The following TBC1D23 variants were observed in gnomAD, a reference collection of about 807,000 sequenced individuals.
TBC1D23 encodes HCV non-structural protein 4A-transactivated protein 1.
In TBC1D23, 55 loss-of-function variants were observed where a neutral mutation model predicts 91.4. That is an observed-to-expected ratio of 0.60 (90% CI 0.48 to 0.75). The LOEUF (loss-of-function observed/expected upper bound fraction) is 0.75. Among genes scored for constraint, TBC1D23 ranks in the 30% least tolerant of loss-of-function variants. The pLI is 0.00. For missense variants in TBC1D23, 725 were observed against 836.1 expected (o/e 0.87, Z 1.64); for synonymous variants, 289 against 281.0 (o/e 1.03, Z -0.28).
chr3:100,261,867 T>A lies in TBC1D23; in HGVS notation c.53+796T>A, dbSNP rs9876642. Among the ~76,000 whole-genome samples, 1,476 of 152,320 alleles carry A rather than the reference T, an allele frequency of 9.7e-3. 17 individuals are homozygous for A. The highest frequency in any genetic ancestry group is 0.034 in the African/African-American group (1,395 of 41,564). The stretch of plus-strand genomic sequence containing the variant: ...TGTTAGGTTGTACAACATCATTTTT[T>A]AAAAAGGGACCTTTAGAGGCTTGTC... On this transcript the variant is annotated intron_variant, in intron 1 of 18. Coordinates refer to ENST00000394144, the MANE Select transcript of TBC1D23 (RefSeq NM_001199198.3).
intron 16 of TBC1D23, 92 bp downstream of exon 16, chr3:100,316,279 A>T (rs531348472): frequency 2.7e-5 from 24 of 877,646 alleles, no homozygotes; most frequent in Admixed American, 2.0e-4. Context: ...CTGCTTTTTT[A>T]AAAAAATGAG....
chr3:100,300,488 A>G (rs1301720706), intron 10 of TBC1D23, among the ~76,000 whole-genome samples: 1 of 147,280 alleles, frequency 6.8e-6, no homozygotes, highest in Non-Finnish European at 1.5e-5. Flanking sequence ...ATTCATGAAT[A>G]CTTGAATTAA....
chr3:100,307,856 A>G (rs1354616266), intron 13 of TBC1D23, among the ~76,000 whole-genome samples: 1 of 152,142 alleles, frequency 6.6e-6, no homozygotes, highest in Non-Finnish European at 1.5e-5. Context: ...TTTTGTAGTG[A>G]TAAATTTGCA....
At chr3:100,314,244 G>A (rs1705688761) in intron 15 of TBC1D23, among the ~76,000 whole-genome samples, 1 of 151,684 alleles carries the variant, frequency 6.6e-6, no homozygotes, top group Admixed American at 6.6e-5. Context: ...GACTACAGGT[G>A]CGTGCCACCA....
intron 3 of TBC1D23, among the ~76,000 whole-genome samples, chr3:100,283,239 T>C (rs1001832462): frequency 1.3e-5 from 2 of 152,056 alleles, no homozygotes; most frequent in African/African-American, 4.8e-5. Context: ...TTGGGTGTGG[T>C]GGTGCTTGCC....
rs1705439515 is a variant in TBC1D23 at position 100,301,860 on chromosome 3, A to G, written c.1093-207A>G. On this transcript the variant is annotated intron_variant, in intron 10 of 18. Coordinates refer to ENST00000394144, the MANE Select transcript of TBC1D23 (RefSeq NM_001199198.3). ...TTTCTTTGCATCAATCTTTGTGTGAATGTTCAACTTTTGTTCTATTGTATT... is the reference window on the plus strand; with the variant it reads ...TTTCTTTGCATCAATCTTTGTGTGAGTGTTCAACTTTTGTTCTATTGTATT... The G allele has an allele frequency of 1.3e-5, 6 of 463,628 alleles. No individual in the cohort carries two copies. The South Asian group carries it at 2.2e-4, about 17-fold the overall frequency. 28.7% of individuals were successfully genotyped at this position (463,628 alleles called of 1,614,324 possible). A position where few individuals can be genotyped will look rare whatever the true frequency, so the allele number is the denominator to read the frequency against.
At chr3:100,261,306 A>C (rs1230554529) in intron 1 of TBC1D23, 5 of 574,966 alleles carry the variant, frequency 8.7e-6, no homozygotes, top group Admixed American at 6.3e-5. Flanking sequence ...GCTGGGCCTC[A>C]GAACGGTCCT....
At position 100,261,048 on chromosome 3, in the gene TBC1D23, G is replaced by A; in HGVS notation, c.30G>A (p.Leu10=). 1 of 1,613,964 alleles carries A rather than the reference G, an allele frequency of 6.2e-7. No homozygotes were observed. Residue 10 remains leucine (L), a synonymous_variant, in exon 1 of 19, where the codon CTG becomes CTA. Transcript: ENST00000394144. ...CGGAAGGAGAAGATGTGCCGCCGCT[G>A]CCAACGTCGAGCGGCGACGGCTGGT... is the stretch of plus-strand genomic sequence containing the variant. The part of the protein sequence containing the change: MAEGEDVPP[L]PTSSGDGWEK...
intron 18 of TBC1D23, among the ~76,000 whole-genome samples, chr3:100,321,223 T>C (rs1705853049): frequency 6.6e-6 from 1 of 152,238 alleles, no homozygotes; most frequent in African/African-American, 2.4e-5. Context: ...ATTGTTAATC[T>C]GTACCAGTGC....
In TBC1D23 at chr3:100,293,102, A is replaced by ATTGT. The variant is rs764256850; in HGVS notation, c.601-1984_601-1983insTGTT. On this transcript the variant is annotated intron_variant, in intron 5 of 18. Coordinates refer to ENST00000394144, the MANE Select transcript of TBC1D23 (RefSeq NM_001199198.3). ...GGTTTCTCTTCAGCTGATATGCCAG[A>ATTGT]TAGTTTGTTTGTTTGTTTGTTTGTT... Among the ~76,000 whole-genome samples the ATTGT allele has an allele frequency of 9.5e-3, 1,091 of 114,358 alleles. 5 individuals are homozygous for ATTGT. Among genetic ancestry groups the ATTGT allele is most frequent in the African/African-American group, 0.017 (392 of 22,724 alleles). The allele number at this position is 114,358 out of a possible 152,430, so 75.0% of individuals were successfully genotyped here.
Position 100,296,272 on chromosome 3 carries a change from GA to G in TBC1D23, c.875del (p.Lys292ArgfsTer21). On this transcript the variant is annotated frameshift_variant and splice_region_variant, in exon 8 of 19. Transcript: ENST00000394144. LOFTEE classifies it high-confidence loss of function. ...GCAGCAAAACACCGGCTTCTTTTAG[GA>G]AGGTATAAGACCAGAAATGACCAAC... ...YCSKTPASFR[K>X]DNHHLFGSTL... 1 of 1,565,198 alleles carries G rather than the reference GA, an allele frequency of 6.4e-7. No homozygotes were observed.
At position 100,283,649 on chromosome 3, in the gene TBC1D23, T is replaced by G; in HGVS notation, c.314T>G (p.Leu105Trp). ...GAGGAGAAGGCAGCAGAATTACTTT[T>G]GGATATTGAATCTGTAATTACCTTT... is the stretch of plus-strand genomic sequence containing the variant. The part of the protein sequence containing the change: ...VPEEKAAELL[L>W]DIESVITFYC... The change falls in exon 4 of 19, where the codon TTG becomes TGG. Residue 105 changes from leucine to tryptophan, a missense_variant. Physicochemically the swap from Leu to Trp is moderately conservative, Grantham distance 61. Coordinates refer to ENST00000394144, the MANE Select transcript of TBC1D23 (RefSeq NM_001199198.3). 8 of 1,613,994 alleles carry G rather than the reference T, an allele frequency of 5.0e-6. No individual in the cohort carries two copies. The highest frequency in any genetic ancestry group is 5.9e-6 in the Non-Finnish European group (7 of 1,179,878).
intron 1 of TBC1D23, among the ~76,000 whole-genome samples, chr3:100,266,971 T>A (rs2067562915): frequency 6.6e-6 from 1 of 152,240 alleles, no homozygotes; most frequent in South Asian, 2.1e-4. Flanking sequence ...AAACATTCAC[T>A]GAATAGTGGT....
In TBC1D23 at chr3:100,320,940, G is replaced by C. The variant is rs1705846711; in HGVS notation, c.1987G>C (p.Ala663Pro). Reference sequence around the variant, plus strand: ...TACCTTCAAGTATGGAAATAGCAGTGCTTCAGGAATAGAAATCTTGGCAAT... The same window carrying C: ...TACCTTCAAGTATGGAAATAGCAGTCCTTCAGGAATAGAAATCTTGGCAAT... ...LITFKYGNSS[A>P]SGIEILAIER... The change falls in exon 18 of 19, where the codon GCT (alanine) becomes CCT (proline). Residue 663 changes from alanine (A) to proline (P), a missense_variant. Transcript: ENST00000394144. 1 of 1,599,796 alleles carries C rather than the reference G, an allele frequency of 6.3e-7. No homozygotes were observed. The highest frequency in any genetic ancestry group is 8.5e-7 in the Non-Finnish European group (1 of 1,175,860).
chr3:100,310,102 A>T (rs1041512122), intron 13 of TBC1D23, among the ~76,000 whole-genome samples: 2 of 152,194 alleles, frequency 1.3e-5, no homozygotes, highest in Non-Finnish European at 2.9e-5. Context: ...TTGCAGATGG[A>T]TGCCTTGCCT....
intron 15 of TBC1D23, among the ~76,000 whole-genome samples, chr3:100,313,831 G>A (rs1483088967): frequency 6.6e-6 from 1 of 152,060 alleles, no homozygotes; most frequent in East Asian, 1.9e-4. Flanking sequence ...CTGAATCTGA[G>A]TTTCAAAGGC....
At chr3:100,300,470 C>T (rs1260988664) in intron 10 of TBC1D23, among the ~76,000 whole-genome samples, 1 of 150,930 alleles carries the variant, frequency 6.6e-6, no homozygotes, top group Non-Finnish European at 1.5e-5. Context: ...TAAAAATTTA[C>T]TCAAGTGATT....
chr3:100,304,287 T>A (rs186823322), intron 11 of TBC1D23, among the ~76,000 whole-genome samples: 1 of 152,292 alleles, frequency 6.6e-6, no homozygotes, highest in African/African-American at 2.4e-5. Flanking sequence ...TTCAGACTTC[T>A]TTGTTTAGGG....
intron 12 of TBC1D23, among the ~76,000 whole-genome samples, chr3:100,306,023 C>G (rs182239303): frequency 6.6e-6 from 1 of 152,146 alleles, no homozygotes; most frequent in Non-Finnish European, 1.5e-5. Flanking sequence ...TAATGGCTAA[C>G]AATGCTTCTT....
Sources: allele counts gnomAD v4.1 joint callset (sites outside exome capture counted in the v4.1 genomes callset), GRCh38; gene constraint gnomAD v4.1.1; transcripts MANE v1.5; gene names NCBI Gene and HGNC (gene_info 2026-07-23, HGNC 2026-07-21).